The following B3GALNT2 variants were observed in gnomAD, a reference collection of about 807,000 sequenced individuals.
B3GALNT2 encodes the protein beta-1,3-N-acetylgalactosaminyltransferase 2.
B3GALNT2 carries 53 observed loss-of-function variants against 61.1 expected under a neutral mutation model. That is an observed-to-expected ratio of 0.87 (90% CI 0.70 to 1.09). The LOEUF (loss-of-function observed/expected upper bound fraction) is 1.09, where lower values mean the gene tolerates loss of function less well. B3GALNT2 is among the 50% of genes least tolerant of loss of function. The pLI is 0.00. For synonymous variants in B3GALNT2, 223 were observed against 237.4 expected (o/e 0.94, Z 0.56); for missense variants, 544 against 623.0 (o/e 0.87, Z 1.35).
At chr1:235,441,676 G>T in the B3GALNT2 span, 1 of 746,214 alleles carries the variant, frequency 1.3e-6, no homozygotes, top group South Asian at 1.6e-5. Flanking sequence ...AAATCACACT[G>T]AATAAAGGCA....
chr1:235,443,526 A>AAAT (rs1159214208), downstream of B3GALNT2, among the ~76,000 whole-genome samples: 1 of 152,286 alleles, frequency 6.6e-6, no homozygotes, highest in East Asian at 1.9e-4. Flanking sequence ...TTTAACCAAA[A>AAAT]AACCTGAGAC....
intron 1 of B3GALNT2, among the ~76,000 whole-genome samples, chr1:235,496,547 C>CTTTTTTTTTTTTTTTTTT (rs1396277043): frequency 7.5e-6 from 1 of 133,410 alleles, no homozygotes; most frequent in African/African-American, 2.7e-5. Context: ...GTACTTGTTT[C>CTTTTTTTTTTTTTTTTTT]TTTTTTTTTT....
chr1:235,504,404 C>T lies in B3GALNT2; in HGVS notation c.-152G>A. 1 of 799,020 alleles carries T rather than the reference C, an allele frequency of 1.3e-6. No individual in the cohort carries two copies. Among genetic ancestry groups the T allele is most frequent in the Non-Finnish European group, 1.8e-6 (1 of 565,622 alleles). The allele number at this position is 799,020 out of a possible 1,614,324, so 49.5% of individuals were successfully genotyped here. A position where few individuals can be genotyped will look rare whatever the true frequency, so the allele number is the denominator to read the frequency against. ...GCGACGTCTGGGGGGCTCCTCGCAG[C>T]TCCCGGCCCCGCTCCTCCGGTCCCT... is the stretch of plus-strand genomic sequence containing the variant. On this transcript the variant is annotated 5_prime_UTR_variant, in exon 1 of 12. Transcript: ENST00000366600.
chr1:235,445,254 TCATA>T (rs1469544226), downstream of B3GALNT2, among the ~76,000 whole-genome samples: 3 of 152,324 alleles, frequency 2.0e-5, no homozygotes, highest in Non-Finnish European at 2.9e-5. Context: ...ACTCACTCAC[TCATA>T]CAAAGGTTCT....
At chr1:235,474,987 ATTTTTTTTTT>A (rs1160445883) in intron 5 of B3GALNT2, among the ~76,000 whole-genome samples, 2 of 35,572 alleles carry the variant, frequency 5.6e-5, no homozygotes, top group African/African-American at 1.1e-4. Context: ...ATATATATAT[ATTTTTTTTTT>A]TTTTTTTTTT....
chr1:235,501,752 A>G (rs1387857825), intron 1 of B3GALNT2, among the ~76,000 whole-genome samples: 1 of 152,216 alleles, frequency 6.6e-6, no homozygotes. Flanking sequence ...ACAAAGCAGC[A>G]GAAGAGAAAA....
chr1:235,470,614 T>TA lies in B3GALNT2; in HGVS notation c.762+235dup, dbSNP rs143483542. Among the ~76,000 whole-genome samples, 3,198 of 151,844 alleles carry TA rather than the reference T, an allele frequency of 0.021. 132 individuals carry two copies. The highest frequency in any genetic ancestry group is 0.073 in the African/African-American group (3,006 of 41,288). Reference sequence around the variant, plus strand: ...AAAAGAGAAATAAAATATTGCATTTTAAAAATGCATCAATCTTAAAGCAAA... The same window carrying TA: ...AAAAGAGAAATAAAATATTGCATTTTAAAAAATGCATCAATCTTAAAGCAAA... On this transcript the variant is annotated intron_variant, in intron 6 of 11. Transcript: ENST00000366600.
chr1:235,490,920 T>G (rs1030895611), intron 2 of B3GALNT2, among the ~76,000 whole-genome samples: 1 of 152,054 alleles, frequency 6.6e-6, no homozygotes, highest in South Asian at 2.1e-4. Flanking sequence ...GAATTGGCCA[T>G]AGTGGAAATA....
Position 235,498,734 on chromosome 1 carries a change from C to T in B3GALNT2, c.113-3906G>A, listed in dbSNP as rs543898930. On this transcript the variant is annotated intron_variant, in intron 1 of 11. Coordinates refer to ENST00000366600, the MANE Select transcript of B3GALNT2 (RefSeq NM_152490.5). Reference sequence around the variant, plus strand: ...TGGTGCATGCCTGTAATCCCAGCTACTCGGGAGGCTGAGTCAGGAGACTTG... The same window carrying T: ...TGGTGCATGCCTGTAATCCCAGCTATTCGGGAGGCTGAGTCAGGAGACTTG... Among the ~76,000 whole-genome samples the T allele has an allele frequency of 4.6e-5, 7 of 150,618 alleles. No homozygotes were observed. The South Asian group carries it at 1.5e-3, about 32-fold the overall frequency.
Position 235,484,302 on chromosome 1 carries a change from C to A in B3GALNT2, c.555+20G>T. On this transcript the variant is annotated intron_variant, in intron 4 of 11. Coordinates refer to ENST00000366600, the MANE Select transcript of B3GALNT2 (RefSeq NM_152490.5). ...TTGAAAAAGAAAAAAGAGAAAAAAC[C>A]TGTACAGAGCAGTGCATACCTCTTG... is the stretch of plus-strand genomic sequence containing the variant. The A allele has an allele frequency of 1.3e-6, 2 of 1,552,196 alleles. No individual in the cohort carries two copies. The highest frequency in any genetic ancestry group is 8.7e-7 in the Non-Finnish European group (1 of 1,153,982).
At chr1:235,447,148 A>G (rs1326499116), downstream of B3GALNT2, among the ~76,000 whole-genome samples, 1 of 152,214 alleles carries the variant, frequency 6.6e-6, no homozygotes, top group Non-Finnish European at 1.5e-5. Context: ...CACACATGAA[A>G]GAGCAAATTG....
At position 235,449,025 on chromosome 1, in the gene B3GALNT2, T is replaced by A; in HGVS notation, c.*1181A>T. The A allele has an allele frequency of 2.6e-6, 1 of 378,106 alleles. No homozygotes were observed. The highest frequency in any genetic ancestry group is 2.4e-5 in the South Asian group (1 of 42,306). The allele number at this position is 378,106 out of a possible 1,614,324, so 23.4% of individuals were successfully genotyped here. On this transcript the variant is annotated 3_prime_UTR_variant, in exon 12 of 12. Coordinates refer to ENST00000366600, the MANE Select transcript of B3GALNT2 (RefSeq NM_152490.5). ...TACAGCTCATCACTGCATTTCATGA[T>A]AAGATTTAAATATTAAATAGAAAGA...
At chr1:235,484,084 T>C (rs546399553) in intron 4 of B3GALNT2, among the ~76,000 whole-genome samples, 1 of 152,284 alleles carries the variant, frequency 6.6e-6, no homozygotes, top group East Asian at 1.9e-4. Context: ...GGTTGGAGAT[T>C]TCTAATCTAG....
At chr1:235,461,435 C>A (rs1451755139) in intron 7 of B3GALNT2, among the ~76,000 whole-genome samples, 1 of 151,344 alleles carries the variant, frequency 6.6e-6, no homozygotes, top group African/African-American at 2.4e-5. Context: ...TTAATGGCCA[C>A]TGCTGCGACC....
intron 5 of B3GALNT2, chr1:235,479,669 C>CT (rs990867158): frequency 1.4e-4 from 23 of 164,690 alleles, no homozygotes; most frequent in Admixed American, 8.5e-4. Context: ...TCTGCACTGA[C>CT]TTTTTTTTCT....
intron 8 of B3GALNT2, 46 bp from the exon 9 acceptor site, chr1:235,455,730 A>G (rs1174118284): frequency 1.3e-6 from 2 of 1,566,542 alleles, no homozygotes; most frequent in African/African-American, 1.4e-5. Flanking sequence ...CCAAACAAAC[A>G]AACACCAATG....
At chr1:235,471,092 C>G in intron 5 of B3GALNT2, 132 bp from the exon 6 acceptor site, 1 of 1,455,294 alleles carries the variant, frequency 6.9e-7, no homozygotes, top group Non-Finnish European at 9.1e-7. Flanking sequence ...CCCCATAACT[C>G]TGACATACCA....
Position 235,448,249 on chromosome 1 carries a change from C to T in B3GALNT2, c.*1957G>A, listed in dbSNP as rs757179163. 234 of 712,100 alleles carry T rather than the reference C, an allele frequency of 3.3e-4. No individual in the cohort carries two copies. The highest frequency in any genetic ancestry group is 2.1e-4 in the Non-Finnish European group (84 of 398,764). The allele number at this position is 712,100 out of a possible 1,614,324, so 44.1% of individuals were successfully genotyped here. A position where few individuals can be genotyped will look rare whatever the true frequency, so the allele number is the denominator to read the frequency against. ...AAAAAAAAAAAAAAAAAGACAGATA[C>T]AGCTATCATTGCAATGATACTGTGG... is the stretch of plus-strand genomic sequence containing the variant. On this transcript the variant is annotated 3_prime_UTR_variant, in exon 12 of 12. Transcript: ENST00000366600.
chr1:235,484,670 T>C, intron 3 of B3GALNT2, 155 bp from the exon 4 acceptor site: 1 of 1,332,154 alleles, frequency 7.5e-7, no homozygotes, highest in Non-Finnish European at 9.8e-7. Context: ...TTGAGAAAAA[T>C]GGCTGCTTCT....
Sources: allele counts gnomAD v4.1 joint callset (sites outside exome capture counted in the v4.1 genomes callset), GRCh38; gene constraint gnomAD v4.1.1; transcripts MANE v1.5; gene names NCBI Gene and HGNC (gene_info 2026-07-23, HGNC 2026-07-21).